DOCK4: variants seen among roughly 807,000 people sequenced by gnomAD.
The protein encoded by DOCK4 is dedicator of cytokinesis protein 4.
A neutral mutation model predicts 268.1 loss-of-function variants in DOCK4; 97 were observed. The ratio of observed to expected loss-of-function variants is 0.36; its 90% confidence interval spans 0.31 to 0.43. DOCK4 has a LOEUF of 0.43. Ranked by LOEUF, DOCK4 falls within the 20% of genes least tolerant of loss-of-function variation. The pLI is 1.00. For synonymous variants in DOCK4, 954 were observed against 887.2 expected, an observed-to-expected ratio of 1.08 and a Z score of -1.34; for missense variants, 2,145 against 2,455.7, an observed-to-expected ratio of 0.87 and a Z score of 2.67.
At chr7:111,793,581 C>T (rs192714172) in intron 30 of DOCK4, among the ~76,000 whole-genome samples, 1 of 152,242 alleles carries the variant, frequency 6.6e-6, no homozygotes, top group Non-Finnish European at 1.5e-5. Context: ...TTAACTCATT[C>T]AGTCATTAAT....
intron 49 of DOCK4, among the ~76,000 whole-genome samples, chr7:111,737,893 A>T (rs569860701): frequency 6.6e-6 from 1 of 152,210 alleles, no homozygotes; most frequent in Non-Finnish European, 1.5e-5. Context: ...GCACTCAGAT[A>T]TAATTTCTGC....
chr7:111,955,305 T>C (rs1796372531), intron 8 of DOCK4, among the ~76,000 whole-genome samples: 1 of 152,250 alleles, frequency 6.6e-6, no homozygotes, highest in Admixed American at 6.5e-5. Context: ...GGAAGATCTC[T>C]GATACAACTG....
intron 36 of DOCK4, among the ~76,000 whole-genome samples, chr7:111,773,149 C>T (rs1798231068): frequency 6.6e-6 from 1 of 152,048 alleles, no homozygotes; most frequent in Admixed American, 6.6e-5. Flanking sequence ...TACAAGGACA[C>T]CAATATGCAA....
intron 42 of DOCK4, among the ~76,000 whole-genome samples, chr7:111,748,017 T>G (rs1181385336): frequency 1.3e-5 from 2 of 152,150 alleles, no homozygotes; most frequent in Non-Finnish European, 2.9e-5. Flanking sequence ...TACTGCAGGA[T>G]CTATTTGTTG....
chr7:112,025,996 G>C (rs958001427), intron 1 of DOCK4, among the ~76,000 whole-genome samples: 2 of 152,168 alleles, frequency 1.3e-5, no homozygotes, highest in African/African-American at 2.4e-5. Flanking sequence ...CATTGCACTT[G>C]CCTCTCTATC....
At chr7:111,774,701 T>C (rs1381675444) in intron 36 of DOCK4, among the ~76,000 whole-genome samples, 2 of 152,290 alleles carry the variant, frequency 1.3e-5, no homozygotes, top group South Asian at 2.1e-4. Flanking sequence ...CAGACAAGCG[T>C]TGGTTCAATT....
chr7:111,944,460 C>T (rs527690845), intron 10 of DOCK4, among the ~76,000 whole-genome samples: 8 of 152,224 alleles, frequency 5.3e-5, no homozygotes, highest in African/African-American at 1.9e-4. Context: ...TTATAGGAAA[C>T]TCAGCTCTGA....
intron 42 of DOCK4, among the ~76,000 whole-genome samples, chr7:111,748,887 CA>C (rs1204222383): frequency 6.6e-6 from 1 of 152,052 alleles, no homozygotes; most frequent in Non-Finnish European, 1.5e-5. Flanking sequence ...GAATAGTATA[CA>C]GCAATGAAAC....
intron 47 of DOCK4, chr7:111,740,083 G>A: frequency 2.3e-6 from 1 of 442,780 alleles, no homozygotes. Flanking sequence ...TTTTAAAACA[G>A]ACCCTCAAAT....
In DOCK4 at chr7:111,901,738, C is replaced by T; in HGVS notation, c.1256G>A (p.Ser419Asn). 10 of 1,612,194 alleles carry T rather than the reference C, an allele frequency of 6.2e-6. No individual in the cohort carries two copies. Among genetic ancestry groups the T allele is most frequent in the Non-Finnish European group, 8.5e-6 (10 of 1,178,486 alleles). The change falls in exon 14 of 53, where the codon AGC becomes AAC. Residue 419 changes from serine to asparagine, a missense_variant. Around this residue, in one of 2 missense-constraint regions of DOCK4, gnomAD observed 1,598 missense variants for 1,986.7 expected, o/e 0.80. Transcript: ENST00000428084. ...ERGEFEKGGK[S>N]VARNVEVTMF... ...CGTAACTTCCACATTTCTGGCCACG[C>T]TCTTCCCTCCTTTCTCAAATTCTCC... is the stretch of plus-strand genomic sequence containing the variant.
Position 111,742,009 on chromosome 7 carries a change from A to C in DOCK4, c.4797+4T>G. 6.3e-7 allele frequency: 1 copy of C among 1,592,312 alleles called. No individual in the cohort carries two copies. The highest frequency in any genetic ancestry group is 8.5e-7 in the Non-Finnish European group (1 of 1,171,076). The stretch of plus-strand genomic sequence containing the variant: ...CCCCGCCATGGACACCTAAGTATAC[A>C]TACCTGTATCCCTAAGCTCGACTTC... On this transcript the variant is annotated splice_donor_region_variant and intron_variant, in intron 45 of 52. Transcript: ENST00000428084.
chr7:111,857,925 G>A (rs1298383972), intron 23 of DOCK4, among the ~76,000 whole-genome samples: 1 of 152,176 alleles, frequency 6.6e-6, no homozygotes, highest in Non-Finnish European at 1.5e-5. Context: ...AAAATGAGTT[G>A]CTGATTTTTA....
intron 26 of DOCK4, among the ~76,000 whole-genome samples, chr7:111,828,896 A>G (rs1429971170): frequency 6.7e-6 from 1 of 150,328 alleles, no homozygotes; most frequent in African/African-American, 2.4e-5. Flanking sequence ...GTGTATATAT[A>G]TATATATATA....
chr7:111,760,224 G>T lies in DOCK4; in HGVS notation c.4119C>A (p.His1373Gln). 1 of 1,614,008 alleles carries T rather than the reference G, an allele frequency of 6.2e-7. No individual in the cohort carries two copies. Among genetic ancestry groups the T allele is most frequent in the South Asian group, 1.1e-5 (1 of 91,090 alleles). ...NEFPHAIAMQ[H>Q]ANQPDETIFQ... ...AGATGGTCTCATCGGGCTGGTTGGC[G>T]TGCTGCATGGCGATGGCATGGGGGA... is the stretch of plus-strand genomic sequence containing the variant. Residue 1373 changes from histidine (H) to glutamine (Q), a missense_variant, in exon 40 of 53, where the codon CAC becomes CAA. His to Gln is a conservative substitution (Grantham distance 24, BLOSUM62 0). Coordinates refer to ENST00000428084, the MANE Select transcript of DOCK4 (RefSeq NM_001363540.2).
At chr7:112,093,835 C>T (rs1809859631) in intron 1 of DOCK4, among the ~76,000 whole-genome samples, 1 of 149,846 alleles carries the variant, frequency 6.7e-6, no homozygotes, top group Non-Finnish European at 1.5e-5. Context: ...TCCACCATAA[C>T]TTTAGGCCCT....
At chr7:112,197,970 G>GAAAAAAAAAAAAAAAAAAAA in intron 1 of DOCK4, among the ~76,000 whole-genome samples, 1 of 111,092 alleles carries the variant, frequency 9.0e-6, no homozygotes, top group African/African-American at 3.6e-5. Flanking sequence ...GACCTGCCTA[G>GAAAAAAAAAAAAAAAAAAAA]AAAAAAAAAA....
chr7:112,047,020 A>AC (rs1210968075), intron 1 of DOCK4, among the ~76,000 whole-genome samples: 1 of 152,252 alleles, frequency 6.6e-6, no homozygotes, highest in Non-Finnish European at 1.5e-5. Context: ...TGAGGAAACG[A>AC]CATGACTCTG....
intron 1 of DOCK4, among the ~76,000 whole-genome samples, chr7:112,157,926 A>G (rs1268087042): frequency 2.6e-5 from 4 of 152,210 alleles, no homozygotes; most frequent in Admixed American, 1.3e-4. Context: ...CTTTGGCTAT[A>G]GTGGAGAGGA....
chr7:111,958,037 T>C (rs9632740), intron 8 of DOCK4, among the ~76,000 whole-genome samples: 7,058 of 152,272 alleles, frequency 0.046, 554 homozygotes, highest in African/African-American at 0.16. Flanking sequence ...ATAAACATTT[T>C]TGATGCACTC....
Sources: gnomAD v4.1 joint callset for allele counts (sites outside exome capture counted in the v4.1 genomes callset) on GRCh38, gnomAD v4.1.1 for gene constraint, gnomAD v4.1.1 regional missense constraint, MANE v1.5 for transcripts, NCBI Gene and HGNC (gene_info 2026-07-23, HGNC 2026-07-21) for gene names.